Variants in TRAPPC9 observed in about 807,000 individuals in gnomAD.
The protein encoded by TRAPPC9 is trafficking protein particle complex subunit 9.
TRAPPC9 carries 83 observed loss-of-function variants against 124.0 expected under a neutral mutation model. The ratio of observed to expected loss-of-function variants is 0.67; its 90% CI spans 0.56 to 0.80. The LOEUF is 0.80. Among genes scored for constraint, TRAPPC9 ranks in the 30% least tolerant of loss-of-function variants. The pLI is 0.00. For synonymous variants in TRAPPC9, 638 were observed against 617.5 expected (o/e 1.03, Z -0.49); for missense variants, 1,302 against 1,508.3 (o/e 0.86, Z 2.27).
intron 17 of TRAPPC9, among the ~76,000 whole-genome samples, chr8:140,194,345 A>AGT: frequency 1.3e-5 from 2 of 152,112 alleles, no homozygotes; most frequent in African/African-American, 4.8e-5. Context: ...GATATAAAAT[A>AGT]GCACATCTGT....
In TRAPPC9 at chr8:140,252,988, C is replaced by A. The variant is rs1346706813; in HGVS notation, c.2279-59G>T. The A allele has an allele frequency of 1.3e-6, 2 of 1,553,980 alleles. No individual in the cohort carries two copies. The highest frequency in any genetic ancestry group is 1.4e-5 in the African/African-American group (1 of 73,700). ...TGTAACTGAGGCAGTATGGGACTTA[C>A]CAATCCCCTAGAAAATTCTGATGCA... On this transcript the variant is annotated intron_variant, in intron 15 of 22. Coordinates refer to ENST00000438773, the MANE Select transcript of TRAPPC9 (RefSeq NM_001160372.4). The surrounding 1 kb of genome is among the most constrained non-coding windows in gnomAD (Gnocchi z 4.2).
chr8:139,953,315 A>G (rs531230135), intron 19 of TRAPPC9, among the ~76,000 whole-genome samples: 17 of 152,338 alleles, frequency 1.1e-4, no homozygotes, highest in Admixed American at 1.3e-4. Context: ...CAACATGCTG[A>G]CACACTGTCT....
At chr8:140,288,861 G>T (rs998061183) in intron 12 of TRAPPC9, among the ~76,000 whole-genome samples, 1 of 152,180 alleles carries the variant, frequency 6.6e-6, no homozygotes, top group African/African-American at 2.4e-5. Flanking sequence ...AAGAAGCCCT[G>T]GGCGAAGGGG....
In TRAPPC9 at chr8:140,189,693, A is replaced by ATT. The variant is rs35013030; in HGVS notation, c.2556+31764_2556+31765dup. 6.1e-3 allele frequency among the ~76,000 whole-genome samples: 917 copies of ATT among 149,778 alleles called. 7 individuals are homozygous for ATT. Among genetic ancestry groups the ATT allele is most frequent in the African/African-American group, 0.021 (843 of 40,894 alleles). On this transcript the variant is annotated intron_variant, in intron 17 of 22. Transcript: ENST00000438773. ...CTTTAGAGTCTTCCCAAGTTTCCAGATTTTTTTTTTTACAAGGATCATTCA... is the reference window on the plus strand; with the variant it reads ...CTTTAGAGTCTTCCCAAGTTTCCAGATTTTTTTTTTTTTACAAGGATCATTCA...
At chr8:140,270,420 C>A (rs2064841094) in intron 15 of TRAPPC9, among the ~76,000 whole-genome samples, 1 of 152,226 alleles carries the variant, frequency 6.6e-6, no homozygotes, top group Non-Finnish European at 1.5e-5. Context: ...TAGGGCCATG[C>A]CACCAAATGT....
rs1196428978 is a variant in TRAPPC9 at position 139,885,754 on chromosome 8, C to T, written c.3055+125G>A. 1.9e-5 allele frequency: 17 copies of T among 895,092 alleles called. 1 individual carries two copies. Among genetic ancestry groups the T allele is most frequent in the Middle Eastern group, 3.3e-4 (1 of 3,002 alleles). The allele number at this position is 895,092 out of a possible 1,614,324, so 55.4% of individuals were successfully genotyped here. On this transcript the variant is annotated intron_variant, in intron 21 of 22. Coordinates refer to ENST00000438773, the MANE Select transcript of TRAPPC9 (RefSeq NM_001160372.4). ...CCCGTCTTTTTCCCCCAAGGTTTCC[C>T]GTGATGACCTTCAGTACCCACCAAC... is the stretch of plus-strand genomic sequence containing the variant.
chr8:139,896,334 C>T (rs1033172757), intron 20 of TRAPPC9, among the ~76,000 whole-genome samples: 1 of 152,180 alleles, frequency 6.6e-6, no homozygotes, highest in Non-Finnish European at 1.5e-5. Context: ...ATGATGATGA[C>T]AATAGTAGTT....
Position 140,232,220 on chromosome 8 carries a change from G to A in TRAPPC9, c.2432-10637C>T, listed in dbSNP as rs78093520. 1.5e-3 allele frequency among the ~76,000 whole-genome samples: 227 copies of A among 152,188 alleles called. 5 individuals carry two copies. In the East Asian group the frequency reaches 0.04, roughly 27 times the overall value. ...CCCAAAGTGCTGGGATTACTGGTGT[G>A]AGCCACTGCGCCTGACCATAAATCA... On this transcript the variant is annotated intron_variant, in intron 16 of 22. Transcript: ENST00000438773.
chr8:140,024,728 T>A (rs751630336), intron 17 of TRAPPC9, among the ~76,000 whole-genome samples: 10 of 149,944 alleles, frequency 6.7e-5, no homozygotes, highest in Non-Finnish European at 1.5e-4. Context: ...GACAGGCGTG[T>A]GGGATGACAG....
intron 21 of TRAPPC9, among the ~76,000 whole-genome samples, chr8:139,796,279 C>T (rs570150092): frequency 6.6e-6 from 1 of 152,204 alleles, no homozygotes; most frequent in South Asian, 2.1e-4. Flanking sequence ...CCCTGCTCTG[C>T]CCTATCTGAG....
At chr8:139,863,391 C>T (rs1049390150) in intron 21 of TRAPPC9, among the ~76,000 whole-genome samples, 25 of 152,186 alleles carry the variant, frequency 1.6e-4, no homozygotes, top group Admixed American at 5.2e-4. Flanking sequence ...AGAAGGGGTG[C>T]GCCTGGCCCC....
intron 21 of TRAPPC9, among the ~76,000 whole-genome samples, chr8:139,777,418 G>A (rs1821465387): frequency 6.6e-6 from 1 of 152,224 alleles, no homozygotes; most frequent in Non-Finnish European, 1.5e-5. Flanking sequence ...TACTCACTGT[G>A]TTATCTCCTA....
At chr8:140,225,192 T>C (rs1444112927) in intron 16 of TRAPPC9, among the ~76,000 whole-genome samples, 1 of 152,226 alleles carries the variant, frequency 6.6e-6, no homozygotes, top group African/African-American at 2.4e-5. Context: ...TACAAACTCC[T>C]TGAAGACTGA....
intron 16 of TRAPPC9, among the ~76,000 whole-genome samples, chr8:140,239,025 G>A (rs2063793493): frequency 6.6e-6 from 1 of 152,200 alleles, no homozygotes; most frequent in Non-Finnish European, 1.5e-5. Context: ...CCCACCAGGA[G>A]CTCACTGGGA....
intron 16 of TRAPPC9, among the ~76,000 whole-genome samples, chr8:140,247,561 GT>G (rs1219163877): frequency 0.016 from 2,399 of 146,194 alleles, 53 homozygotes; most frequent in African/African-American, 0.056. Flanking sequence ...AGTTTCAAGG[GT>G]TTTTTTTTTT....
chr8:140,002,252 T>C (rs1301169388), intron 18 of TRAPPC9, among the ~76,000 whole-genome samples: 1 of 150,694 alleles, frequency 6.6e-6, no homozygotes, highest in Non-Finnish European at 1.5e-5. Context: ...CACCCATCAA[T>C]AGAAAAAAAC....
chr8:140,124,637 C>T (rs532474245), intron 17 of TRAPPC9, among the ~76,000 whole-genome samples: 2 of 152,300 alleles, frequency 1.3e-5, no homozygotes, highest in South Asian at 4.1e-4. Context: ...CAAACCCAAG[C>T]CTGACACCAC....
chr8:139,948,765 T>C (rs1345510722), intron 19 of TRAPPC9, among the ~76,000 whole-genome samples: 1 of 152,204 alleles, frequency 6.6e-6, no homozygotes, highest in Non-Finnish European at 1.5e-5. Flanking sequence ...CAACCAAGCC[T>C]GCTCACCGAA....
At chr8:140,088,674 GC>G (rs1844362715) in intron 17 of TRAPPC9, among the ~76,000 whole-genome samples, 2 of 152,122 alleles carry the variant, frequency 1.3e-5, no homozygotes, top group African/African-American at 2.4e-5. Context: ...ATACAACTAC[GC>G]TACTTCCTCA....
Sources: allele counts gnomAD v4.1 joint callset (sites outside exome capture counted in the v4.1 genomes callset), GRCh38; gene constraint gnomAD v4.1.1; non-coding constraint Gnocchi (gnomAD v3.1); transcripts MANE v1.5; gene names NCBI Gene and HGNC (gene_info 2026-07-23, HGNC 2026-07-21).